The following CACNA1S variants were observed in gnomAD, a reference collection of about 807,000 sequenced individuals.
CACNA1S encodes calcium voltage-gated channel subunit alpha1 S.
CACNA1S carries 126 observed loss-of-function variants against 207.4 expected under a neutral mutation model. The observed-to-expected ratio is 0.61, with a 90% confidence interval of 0.53 to 0.70. The LOEUF is 0.70. Among genes scored for constraint, CACNA1S ranks in the 30% least tolerant of loss-of-function variants. CACNA1S has a pLI of 0.00. For synonymous variants in CACNA1S, 960 were observed against 932.7 expected (o/e 1.03, Z -0.53); for missense variants, 2,349 against 2,422.8 (o/e 0.97, Z 0.64).
rs1661646889 is a variant in CACNA1S at position 201,077,000 on chromosome 1, C to T, written c.1747G>A (p.Gly583Arg). 3 of 1,614,118 alleles carry T rather than the reference C, an allele frequency of 1.9e-6. No homozygotes were observed. Among genetic ancestry groups the T allele is most frequent in the Non-Finnish European group, 2.5e-6 (3 of 1,180,062 alleles). Reference sequence around the variant, plus strand: ...TCTGTGTCTTCAAAGTCATACCTCCCCCCAAAGAGCTGCATGCCCAGGAGG... The same window carrying T: ...TCTGTGTCTTCAAAGTCATACCTCCTCCCAAAGAGCTGCATGCCCAGGAGG... ...FALLGMQLFG[G>R]RYDFEDTEVR... Residue 583 changes from glycine to arginine, a missense_variant, in exon 12 of 44, where the codon GGG (glycine) becomes AGG (arginine). Transcript: ENST00000362061.
At chr1:201,089,521 A>C in intron 5 of CACNA1S, 58 bp from the exon 6 acceptor site, 2 of 1,539,234 alleles carry the variant, frequency 1.3e-6, no homozygotes, top group Non-Finnish European at 1.8e-6. Context: ...CAACGACAGG[A>C]GGAAAGGTGT....
intron 28 of CACNA1S, 123 bp downstream of exon 28, chr1:201,058,285 T>C: frequency 1.2e-6 from 1 of 843,436 alleles, no homozygotes; most frequent in East Asian, 2.5e-5. Context: ...TGACTTGTCA[T>C]TCCATCTTTT....
intron 2 of CACNA1S, among the ~76,000 whole-genome samples, chr1:201,096,377 T>A (rs747846590): frequency 2.0e-5 from 3 of 152,210 alleles, no homozygotes; most frequent in Non-Finnish European, 2.9e-5. Context: ...AACAGTGTCA[T>A]CAATGTCACA....
At chr1:201,043,045 G>T in intron 40 of CACNA1S, 1 of 515,228 alleles carries the variant, frequency 1.9e-6, no homozygotes, top group Non-Finnish European at 3.5e-6. Context: ...CGGAATAAAA[G>T]AACCTCTCAA....
In CACNA1S at chr1:201,077,328, G is replaced by A. The variant is rs561318862; in HGVS notation, c.1620-201C>T. Among the ~76,000 whole-genome samples the A allele has an allele frequency of 1.1e-4, 16 of 152,304 alleles. No individual in the cohort carries two copies. In the South Asian group the frequency reaches 2.5e-3, roughly 24 times the overall value. On this transcript the variant is annotated intron_variant, in intron 11 of 43. Transcript: ENST00000362061. ...AGCACTTGTCTGTTTGTAATTTCACGCTGGTTAATATGACTATTGATTAAC... is the reference window on the plus strand; with the variant it reads ...AGCACTTGTCTGTTTGTAATTTCACACTGGTTAATATGACTATTGATTAAC...
chr1:201,047,486 G>A, intron 37 of CACNA1S, 39 bp downstream of exon 37: 6 of 1,533,632 alleles, frequency 3.9e-6, no homozygotes, highest in Non-Finnish European at 5.4e-6. Context: ...CCCATTCCTT[G>A]GCTGCTTCTG....
chr1:201,065,058 A>C (rs1199866275), intron 22 of CACNA1S, among the ~76,000 whole-genome samples: 6 of 152,088 alleles, frequency 3.9e-5, no homozygotes, highest in Non-Finnish European at 8.8e-5. Context: ...CCCTGGGAGG[A>C]GGGGCCTCCC....
At chr1:201,102,183 G>A (rs146524191) in intron 2 of CACNA1S, among the ~76,000 whole-genome samples, 46 of 152,270 alleles carry the variant, frequency 3.0e-4, no homozygotes, top group African/African-American at 1.1e-3. Flanking sequence ...GGAGGAGGGG[G>A]TCCTCCTGGA....
chr1:201,099,057 C>T (rs12409449), intron 2 of CACNA1S, among the ~76,000 whole-genome samples: 10,484 of 152,294 alleles, frequency 0.069, 491 homozygotes, highest in Non-Finnish European at 0.1. Context: ...CACCCTCCCA[C>T]TGCCTCTATT....
chr1:201,098,231 G>T (rs771108437), intron 2 of CACNA1S, among the ~76,000 whole-genome samples: 2 of 152,176 alleles, frequency 1.3e-5, no homozygotes, highest in Non-Finnish European at 2.9e-5. Context: ...CCAGTGTCCC[G>T]GGGCACTGCT....
At chr1:201,086,063 AG>A (rs139505569) in intron 7 of CACNA1S, among the ~76,000 whole-genome samples, 10,850 of 152,252 alleles carry the variant, frequency 0.071, 510 homozygotes, top group Non-Finnish European at 0.1. Context: ...AAAGGACCCA[AG>A]GCTCCATGAG....
rs769532451 is a variant in CACNA1S at position 201,083,301 on chromosome 1, G to A, written c.1254C>T (p.Asn418=). The A allele has an allele frequency of 1.7e-5, 27 of 1,614,136 alleles. No individual in the cohort carries two copies. The highest frequency in any genetic ancestry group is 2.1e-5 in the Non-Finnish European group (25 of 1,180,064). ...CATGGCACTTCCAGCGAAAGATGCG[G>A]TTCCACTGCCTCCAATGTCGGCTGA... is the stretch of plus-strand genomic sequence containing the variant. ...IQFIRHWRQW[N]RIFRWKCHDI... Residue 418 remains asparagine (N), a synonymous_variant, in exon 10 of 44, where the codon AAC becomes AAT. Coordinates refer to ENST00000362061, the MANE Select transcript of CACNA1S (RefSeq NM_000069.3).
At chr1:201,048,836 A>T in intron 35 of CACNA1S, 152 bp from the exon 36 acceptor site, 1 of 838,784 alleles carries the variant, frequency 1.2e-6, no homozygotes, top group Non-Finnish European at 2.0e-6. Context: ...GGACAGAATG[A>T]TGAGTTGGGT....
intron 2 of CACNA1S, among the ~76,000 whole-genome samples, chr1:201,107,581 T>A (rs1662941016): frequency 6.6e-6 from 1 of 152,172 alleles, no homozygotes; most frequent in Non-Finnish European, 1.5e-5. Context: ...ATGAGAAAGG[T>A]CATGAATAAT....
chr1:201,043,410 G>A lies in CACNA1S; in HGVS notation c.4919C>T (p.Ser1640Leu). Residue 1640 changes from serine (S) to leucine (L), a missense_variant, in exon 40 of 44, where the codon TCA (serine) becomes TTA (leucine). Coordinates refer to ENST00000362061, the MANE Select transcript of CACNA1S (RefSeq NM_000069.3). ...FAEIEMEEME[S>L]PVFLEDFPQD... is the part of the protein sequence containing the mutation. ...TGGGAAGTCCTCCAAGAAGACAGGT[G>A]ACTCCATCTCTTCCATCTCTATCTC... is the stretch of plus-strand genomic sequence containing the variant. The A allele has an allele frequency of 1.9e-6, 3 of 1,614,166 alleles. No homozygotes were observed. The highest frequency in any genetic ancestry group is 2.5e-6 in the Non-Finnish European group (3 of 1,180,022).
intron 22 of CACNA1S, among the ~76,000 whole-genome samples, chr1:201,063,724 C>A (rs548522503): frequency 3.3e-5 from 5 of 152,184 alleles, no homozygotes; most frequent in African/African-American, 1.2e-4. Context: ...GGCCCTTGCC[C>A]CCCGCTGCCC....
intron 10 of CACNA1S, among the ~76,000 whole-genome samples, chr1:201,080,879 G>A (rs1661818022): frequency 6.6e-6 from 1 of 151,906 alleles, no homozygotes; most frequent in Admixed American, 6.6e-5. Context: ...AGTACCCCAG[G>A]GATTTTACTT....
chr1:201,062,086 A>G lies in CACNA1S; in HGVS notation c.2911T>C (p.Tyr971His). The change falls in exon 24 of 44, where the codon TAC becomes CAC. Residue 971 changes from tyrosine to histidine, a missense_variant. Coordinates refer to ENST00000362061, the MANE Select transcript of CACNA1S (RefSeq NM_000069.3). ...SKMTEEECRG[Y>H]YYVYKDGDPM... ...TCCCCGTCCTTGTACACGTAGTAGT[A>G]GCCCCTGTGGCAGGGAGGCCCAGTC... 6.2e-7 allele frequency: 1 copy of G among 1,613,772 alleles called. No homozygotes were observed. The highest frequency in any genetic ancestry group is 8.5e-7 in the Non-Finnish European group (1 of 1,179,860).
Position 201,047,157 on chromosome 1 carries a change from C to T in CACNA1S, c.4626G>A (p.Glu1542=). Residue 1542 remains glutamate (E), a synonymous_variant, in exon 38 of 44, where the codon GAG becomes GAA. Transcript: ENST00000362061. ...HFRKFMKRQE[E]YYGYRPKKDI... ...CCTTCTTGGGCCGATAGCCATAATACTCCTCTTGGCGTTTCATGAACTTCC... is the reference window on the plus strand; with the variant it reads ...CCTTCTTGGGCCGATAGCCATAATATTCCTCTTGGCGTTTCATGAACTTCC... 6.2e-7 allele frequency: 1 copy of T among 1,614,212 alleles called. No homozygotes were observed. The highest frequency in any genetic ancestry group is 8.5e-7 in the Non-Finnish European group (1 of 1,180,036).
Sources: gnomAD v4.1 joint callset for allele counts (sites outside exome capture counted in the v4.1 genomes callset) on GRCh38, gnomAD v4.1.1 for gene constraint, MANE v1.5 for transcripts, NCBI Gene and HGNC (gene_info 2026-07-23, HGNC 2026-07-21) for gene names.